MGLL: variants seen among roughly 807,000 people sequenced by gnomAD.
MGLL encodes monoglyceride lipase, also known as lysophospholipase homolog.
In MGLL, 7 loss-of-function variants were observed where a neutral mutation model predicts 29.1. The observed-to-expected ratio is 0.24, with a 90% CI of 0.14 to 0.45. The LOEUF is 0.45. Among genes scored for constraint, MGLL ranks in the 20% least tolerant of loss-of-function variants. The pLI is 0.99. For synonymous variants in MGLL, 148 were observed against 168.3 expected (o/e 0.88, Z 0.93); for missense variants, 356 against 413.6 (o/e 0.86, Z 1.21).
chr3:127,756,436 A>G (rs2076666177), intron 3 of MGLL, among the ~76,000 whole-genome samples: 1 of 152,148 alleles, frequency 6.6e-6, no homozygotes, highest in South Asian at 2.1e-4. Flanking sequence ...AGATGCCAGA[A>G]GCCCCTACAC....
chr3:127,749,782 G>A (rs915080403), intron 3 of MGLL, among the ~76,000 whole-genome samples: 2 of 152,308 alleles, frequency 1.3e-5, no homozygotes, highest in Admixed American at 6.5e-5. Context: ...TATGTGGTGC[G>A]TGTGTATGTG....
At chr3:127,800,446 C>A (rs920239935) in intron 2 of MGLL, among the ~76,000 whole-genome samples, 5 of 152,196 alleles carry the variant, frequency 3.3e-5, no homozygotes, top group African/African-American at 1.2e-4. Context: ...TGAGTTTGGG[C>A]AAGTTGCTGA....
chr3:127,715,748 G>A, intron 5 of MGLL: 2 of 456,674 alleles, frequency 4.4e-6, no homozygotes, highest in Non-Finnish European at 8.8e-6. Context: ...CACCCAGATG[G>A]ATCACATTGT....
intron 3 of MGLL, 56 bp downstream of exon 3, chr3:127,781,733 G>A (rs550726272): frequency 7.0e-7 from 1 of 1,424,698 alleles, no homozygotes; most frequent in Admixed American, 1.7e-5. Context: ...ACTAGAGAGG[G>A]AGATCTCCAA....
intron 3 of MGLL, among the ~76,000 whole-genome samples, chr3:127,748,323 TC>T (rs1211432669): frequency 1.3e-5 from 2 of 151,330 alleles, no homozygotes; most frequent in Non-Finnish European, 2.9e-5. Flanking sequence ...TTGACATTGT[TC>T]CATCCTTGAT....
At chr3:127,783,372 T>C (rs2077162261) in intron 2 of MGLL, among the ~76,000 whole-genome samples, 1 of 152,044 alleles carries the variant, frequency 6.6e-6, no homozygotes, top group African/African-American at 2.4e-5. Context: ...CTCTGGCCCC[T>C]CTGCACACCC....
intron 3 of MGLL, among the ~76,000 whole-genome samples, chr3:127,778,523 G>A (rs376869560): frequency 9.2e-5 from 14 of 152,340 alleles, no homozygotes; most frequent in African/African-American, 3.4e-4. Context: ...TGGACTGGGT[G>A]TATTAGTGTC....
intron 7 of MGLL, among the ~76,000 whole-genome samples, chr3:127,693,456 C>T (rs1029419873): frequency 2.6e-5 from 4 of 152,192 alleles, no homozygotes; most frequent in South Asian, 2.1e-4. Context: ...GCTCCCCTGC[C>T]CCCCGCCACC....
At position 127,692,187 on chromosome 3, in the gene MGLL, G is replaced by A. The variant is rs531585653; in HGVS notation, c.*11C>T. ...TCCCCCAGACCATGAGCCGGGCACC[G>A]GCCAATGCATTCAGGGTGGGGACGC... On this transcript the variant is annotated 3_prime_UTR_variant, in exon 8 of 8. Transcript: ENST00000265052. 33 of 1,581,996 alleles carry A rather than the reference G, an allele frequency of 2.1e-5. No individual in the cohort carries two copies. Among genetic ancestry groups the A allele is most frequent in the South Asian group, 1.1e-4 (10 of 90,404 alleles).
At chr3:127,783,119 G>T (rs1370193776) in intron 2 of MGLL, among the ~76,000 whole-genome samples, 2 of 146,658 alleles carry the variant, frequency 1.4e-5, no homozygotes, top group African/African-American at 2.5e-5. Flanking sequence ...ACTCCAGCTT[G>T]GGTGACAGAG....
intron 3 of MGLL, among the ~76,000 whole-genome samples, chr3:127,756,883 G>A (rs1316926887): frequency 1.3e-5 from 2 of 152,172 alleles, no homozygotes; most frequent in Non-Finnish European, 2.9e-5. Context: ...GCAGACCTAG[G>A]TCAGTAGCAG....
chr3:127,819,853 C>T (rs764411518), intron 2 of MGLL, among the ~76,000 whole-genome samples: 5 of 152,092 alleles, frequency 3.3e-5, no homozygotes, highest in Non-Finnish European at 5.9e-5. Flanking sequence ...ACCCTAGGAC[C>T]CCCAAGACTG....
At chr3:127,720,704 T>C (rs1177643316) in intron 5 of MGLL, among the ~76,000 whole-genome samples, 1 of 152,246 alleles carries the variant, frequency 6.6e-6, no homozygotes, top group African/African-American at 2.4e-5. Context: ...TCTGCTGAAG[T>C]TGGCAAATAA....
chr3:127,728,862 T>C (rs937348292), intron 3 of MGLL, among the ~76,000 whole-genome samples: 2 of 152,198 alleles, frequency 1.3e-5, no homozygotes, highest in Non-Finnish European at 2.9e-5. Context: ...AGAGGGCCTC[T>C]TTCTCTTGGC....
At chr3:127,696,231 G>T (rs2075358988) in intron 6 of MGLL, among the ~76,000 whole-genome samples, 1 of 152,026 alleles carries the variant, frequency 6.6e-6, no homozygotes, top group African/African-American at 2.4e-5. Flanking sequence ...CCCTGTCCTT[G>T]CTCTCCCTGG....
chr3:127,717,609 C>T (rs1393082617), intron 5 of MGLL, among the ~76,000 whole-genome samples: 3 of 152,130 alleles, frequency 2.0e-5, no homozygotes, highest in Non-Finnish European at 4.4e-5. Context: ...ACTCCTGCAC[C>T]CCTGCCCCAG....
chr3:127,783,615 CT>C (rs2107712118), intron 2 of MGLL, among the ~76,000 whole-genome samples: 1 of 152,324 alleles, frequency 6.6e-6, no homozygotes, highest in South Asian at 2.1e-4. Flanking sequence ...TTTTATGGTG[CT>C]TTCATTTAGC....
intron 3 of MGLL, among the ~76,000 whole-genome samples, chr3:127,722,888 C>T (rs1389016394): frequency 2.0e-5 from 3 of 152,214 alleles, no homozygotes; most frequent in Non-Finnish European, 4.4e-5. Flanking sequence ...AGAGCCTCAG[C>T]ATGCCCAGTG....
At chr3:127,771,888 G>A (rs1174429939) in intron 3 of MGLL, among the ~76,000 whole-genome samples, 3 of 152,188 alleles carry the variant, frequency 2.0e-5, no homozygotes, top group African/African-American at 7.2e-5. Context: ...TGGGGGACCT[G>A]AGCCTAGTTG....
Sources: allele counts gnomAD v4.1 joint callset (sites outside exome capture counted in the v4.1 genomes callset), GRCh38; gene constraint gnomAD v4.1.1; transcripts MANE v1.5; gene names NCBI Gene and HGNC (gene_info 2026-07-23, HGNC 2026-07-21).